JAG1: variants seen among roughly 807,000 people sequenced by gnomAD.
JAG1 encodes the protein protein jagged-1.
A neutral mutation model predicts 148.7 loss-of-function variants in JAG1; 23 were observed. The ratio of observed to expected loss-of-function variants is 0.15; its 90% CI spans 0.11 to 0.22. The LOEUF (loss-of-function observed/expected upper bound fraction) is 0.22. JAG1 is among the 10% of genes least tolerant of loss of function. The probability of loss-of-function intolerance (pLI) is 1.00; values close to 1 mark genes in which losing one functional copy is unlikely to be tolerated. For missense variants in JAG1, 1,054 were observed against 1,611.2 expected (o/e 0.65, Z 5.92); for synonymous variants, 572 against 598.3 (o/e 0.96, Z 0.64).
Position 10,672,881 on chromosome 20 carries a change from G to C in JAG1, c.207C>G (p.Asp69Glu). The change falls in exon 2 of 26, where the codon GAC becomes GAG. Residue 69 changes from aspartate (D) to glutamate (E), a missense_variant. Physicochemically the swap from Asp to Glu is conservative, Grantham distance 45. Coordinates refer to ENST00000254958, the MANE Select transcript of JAG1 (RefSeq NM_000214.3). ...ACACTTTGAAGTATGTGTCACACTCGTCGCGGGTGCACTTGCGGTCTCCCG... is the reference window on the plus strand; with the variant it reads ...ACACTTTGAAGTATGTGTCACACTCCTCGCGGGTGCACTTGCGGTCTCCCG... ...RNPGDRKCTR[D>E]ECDTYFKVCL... The C allele has an allele frequency of 6.2e-7, 1 of 1,613,280 alleles. No individual in the cohort carries two copies. The highest frequency in any genetic ancestry group is 8.5e-7 in the Non-Finnish European group (1 of 1,180,048).
chr20:10,673,954 A>T lies in JAG1; in HGVS notation c.-424T>A, dbSNP rs1341959821. The stretch of plus-strand genomic sequence containing the variant: ...CGGGCCGGCCGCAGGTAACACAATG[A>T]CGCGTGCCCGCCCGGCTCTCGGAGA... On this transcript the variant is annotated 5_prime_UTR_variant, in exon 1 of 26. Transcript: ENST00000254958. The surrounding 1 kb of genome is among the most constrained non-coding windows in gnomAD (Gnocchi z 4.7). The T allele has an allele frequency of 6.6e-6, 1 of 151,420 alleles. No individual in the cohort carries two copies. The highest frequency in any genetic ancestry group is 1.5e-5 in the Non-Finnish European group (1 of 68,062). 9.4% of individuals were successfully genotyped at this position (151,420 alleles called of 1,614,324 possible). A position where few individuals can be genotyped will look rare whatever the true frequency, so the allele number is the denominator to read the frequency against.
chr20:10,645,794 G>A lies in JAG1; in HGVS notation c.1999+177C>T. 1 of 656,198 alleles carries A rather than the reference G, an allele frequency of 1.5e-6. No homozygotes were observed. Among genetic ancestry groups the A allele is most frequent in the South Asian group, 1.8e-5 (1 of 56,982 alleles). The allele number at this position is 656,198 out of a possible 1,614,324, so 40.6% of individuals were successfully genotyped here. ...CCTCAGCAGAAGCTCCTCCCCATAAGCTATCATCAGGACTCATAAATGCAA... is the reference window on the plus strand; with the variant it reads ...CCTCAGCAGAAGCTCCTCCCCATAAACTATCATCAGGACTCATAAATGCAA... On this transcript the variant is annotated intron_variant, in intron 15 of 25. Coordinates refer to ENST00000254958, the MANE Select transcript of JAG1 (RefSeq NM_000214.3). The surrounding 1 kb of genome is among the most constrained non-coding windows in gnomAD (Gnocchi z 6.1).
At chr20:10,650,935 G>A (rs569242435) in intron 8 of JAG1, 75 of 160,846 alleles carry the variant, frequency 4.7e-4, no homozygotes, top group Non-Finnish European at 7.5e-4. Context: ...GTGGCCTGCT[G>A]GAGTTCCGCA....
intron 5 of JAG1, among the ~76,000 whole-genome samples, chr20:10,654,853 T>TG (rs2067368612): frequency 6.6e-6 from 1 of 152,160 alleles, no homozygotes; most frequent in Admixed American, 6.5e-5. Context: ...CCTGTATAGC[T>TG]GTATGTGTGT....
chr20:10,642,741 A>T, intron 20 of JAG1, 140 bp from the exon 21 acceptor site: 1 of 702,788 alleles, frequency 1.4e-6, no homozygotes, highest in Non-Finnish European at 2.6e-6. Flanking sequence ...CATCCAAAAG[A>T]AGAAACAGAT....
intron 2 of JAG1, among the ~76,000 whole-genome samples, chr20:10,672,107 C>G (rs1050349831): frequency 1.3e-5 from 2 of 152,184 alleles, no homozygotes; most frequent in African/African-American, 4.8e-5. Context: ...CCTGTGAGGG[C>G]CCCAAGAACC....
intron 2 of JAG1, among the ~76,000 whole-genome samples, chr20:10,669,588 A>AAG (rs2067481928): frequency 1.5e-5 from 2 of 135,952 alleles, no homozygotes; most frequent in African/African-American, 5.5e-5. Flanking sequence ...AAAAAAAAAA[A>AAG]GTTGATCTCA....
intron 4 of JAG1, among the ~76,000 whole-genome samples, chr20:10,656,767 C>A (rs980235304): frequency 2.6e-5 from 4 of 151,430 alleles, no homozygotes; most frequent in Admixed American, 2.6e-4. Flanking sequence ...TTGAGCAGAG[C>A]TTGGTCAGTT....
At chr20:10,661,409 G>A (rs2067416417) in intron 3 of JAG1, among the ~76,000 whole-genome samples, 1 of 152,132 alleles carries the variant, frequency 6.6e-6, no homozygotes, top group Non-Finnish European at 1.5e-5. Flanking sequence ...CAGAGGGAGT[G>A]GCTGAGGGTG....
intron 3 of JAG1, among the ~76,000 whole-genome samples, chr20:10,660,505 A>C (rs888629818): frequency 3.3e-5 from 5 of 152,248 alleles, no homozygotes; most frequent in Non-Finnish European, 4.4e-5. Flanking sequence ...AAAGGCATCC[A>C]GCTTCTGAGG....
chr20:10,641,170 T>G lies in JAG1; in HGVS notation c.2991A>C (p.Ser997=). ...NILKNVSAEY[S]IYIACEPSPS... ...GGGAAGGCTCGCAAGCGATGTAGAT[T>G]GAATATTCAGCGGAAACATTCTTCA... The change falls in exon 24 of 26, where the codon TCA becomes TCC. Residue 997 remains serine (S), a synonymous_variant. Coordinates refer to ENST00000254958, the MANE Select transcript of JAG1 (RefSeq NM_000214.3). 6.2e-7 allele frequency: 1 copy of G among 1,614,070 alleles called. No individual in the cohort carries two copies. The highest frequency in any genetic ancestry group is 8.5e-7 in the Non-Finnish European group (1 of 1,180,024).
chr20:10,660,114 G>A (rs1053548778), intron 3 of JAG1, among the ~76,000 whole-genome samples: 5 of 152,122 alleles, frequency 3.3e-5, no homozygotes, highest in Non-Finnish European at 7.4e-5. Context: ...TCTAGGCCTC[G>A]GGCCAGTGCT....
intron 3 of JAG1, among the ~76,000 whole-genome samples, chr20:10,663,371 C>A (rs899294664): frequency 6.6e-6 from 1 of 152,232 alleles, no homozygotes; most frequent in South Asian, 2.1e-4. Context: ...CCACCAAAAC[C>A]AACCCCTCAG....
intron 2 of JAG1, 90 bp downstream of exon 2, chr20:10,672,611 C>T (rs1478983911): frequency 1.7e-5 from 23 of 1,314,352 alleles, no homozygotes; most frequent in Non-Finnish European, 2.5e-5. Flanking sequence ...CAAGCCAAAG[C>T]CCTTTAAATC....
intron 9 of JAG1, among the ~76,000 whole-genome samples, chr20:10,649,848 C>G (rs1370981944): frequency 6.6e-6 from 1 of 152,226 alleles, no homozygotes; most frequent in African/African-American, 2.4e-5. Flanking sequence ...AACTTTCCAG[C>G]TGCTAGTTAA....
chr20:10,656,820 T>C (rs551939246), intron 4 of JAG1, among the ~76,000 whole-genome samples: 3 of 145,104 alleles, frequency 2.1e-5, no homozygotes, highest in South Asian at 2.1e-4. Context: ...AAAAAAGGTA[T>C]AGATAATCCT....
chr20:10,652,095 TA>T, intron 7 of JAG1, 35 bp downstream of exon 7: 1 of 1,612,484 alleles, frequency 6.2e-7, no homozygotes, highest in Non-Finnish European at 8.5e-7. Flanking sequence ...ACAGAAAAAT[TA>T]GACAAAGGGC....
chr20:10,646,831 A>G, intron 14 of JAG1, 108 bp downstream of exon 14: 1 of 1,228,008 alleles, frequency 8.1e-7, no homozygotes, highest in East Asian at 2.3e-5. Flanking sequence ...GTCTCAAAAA[A>G]AAAAAAAAAA....
chr20:10,659,361 C>T (rs2067399146), intron 3 of JAG1, among the ~76,000 whole-genome samples: 1 of 152,214 alleles, frequency 6.6e-6, no homozygotes. Flanking sequence ...TTTTCTATTA[C>T]ATTGCCATAC....
Sources: gnomAD v4.1 joint callset for allele counts (sites outside exome capture counted in the v4.1 genomes callset) on GRCh38, gnomAD v4.1.1 for gene constraint, Gnocchi (gnomAD v3.1) non-coding constraint, MANE v1.5 for transcripts, NCBI Gene and HGNC (gene_info 2026-07-23, HGNC 2026-07-21) for gene names.